TNFRSF21: variants seen among roughly 807,000 people sequenced by gnomAD.
TNFRSF21 encodes tumor necrosis factor receptor superfamily member 21.
In TNFRSF21, 19 loss-of-function variants were observed where a neutral mutation model predicts 45.6. That is an observed-to-expected ratio of 0.42 (90% confidence interval 0.29 to 0.61). TNFRSF21 has a LOEUF of 0.61. TNFRSF21 is among the 20% of genes least tolerant of loss of function. The pLI is 0.23. For synonymous variants in TNFRSF21, 314 were observed against 335.5 expected (o/e 0.94, Z 0.70); for missense variants, 737 against 851.5 (o/e 0.87, Z 1.67).
rs1411428891 is a variant in TNFRSF21 at position 47,286,526 on chromosome 6, G to A, written c.166C>T (p.His56Tyr). Reference protein sequence around the residue: ...KASNLIGTYRHVDRATGQVLT... With the variant: ...KASNLIGTYRYVDRATGQVLT... ...ACCTGGCCGGTGGCACGGTCAACATGGCGGTATGTGCCAATGAGATTCGAG... is the reference window on the plus strand; with the variant it reads ...ACCTGGCCGGTGGCACGGTCAACATAGCGGTATGTGCCAATGAGATTCGAG... The change falls in exon 2 of 6, where the codon CAT (histidine) becomes TAT (tyrosine). Residue 56 changes from histidine (H) to tyrosine (Y), a missense_variant. By Grantham distance (83) the His-to-Tyr change is moderately conservative. Transcript: ENST00000296861. 1.1e-5 allele frequency: 18 copies of A among 1,614,030 alleles called. No homozygotes were observed. Among genetic ancestry groups the A allele is most frequent in the Non-Finnish European group, 1.5e-5 (18 of 1,179,996 alleles).
Position 47,286,157 on chromosome 6 carries a change from C to T in TNFRSF21, c.535G>A (p.Val179Met), listed in dbSNP as rs758428805. 1 of 1,614,206 alleles carries T rather than the reference C, an allele frequency of 6.2e-7. No individual in the cohort carries two copies. Among genetic ancestry groups the T allele is most frequent in the Non-Finnish European group, 8.5e-7 (1 of 1,180,044 alleles). Residue 179 changes from valine to methionine, a missense_variant, in exon 2 of 6, where the codon GTG becomes ATG. Transcript: ENST00000296861. ...KQCARGTFSD[V>M]PSSVMKCKAY... is the part of the protein sequence containing the mutation. ...TTGCATTTCATCACACTAGAAGGCA[C>T]ATCTGAGAAGGTACCCCGAGCACAC...
chr6:47,274,964 G>T (rs1166909908), intron 3 of TNFRSF21, among the ~76,000 whole-genome samples: 1 of 152,160 alleles, frequency 6.6e-6, no homozygotes, highest in African/African-American at 2.4e-5. Context: ...AGTTAGAATG[G>T]CAATCATTAA....
Position 47,267,627 on chromosome 6 carries a change from G to A in TNFRSF21, c.1244-14106C>T, listed in dbSNP as rs111729569. 5.5e-3 allele frequency among the ~76,000 whole-genome samples: 840 copies of A among 152,158 alleles called. 5 individuals carry two copies. Among genetic ancestry groups the A allele is most frequent in the African/African-American group, 0.016 (661 of 41,496 alleles). On this transcript the variant is annotated intron_variant, in intron 3 of 5. Transcript: ENST00000296861. ...TGCTCCAGTATGGCTCATCTCCCTG[G>A]CCTTGTGGGAAAGAAAAAGGGGCAA...
At chr6:47,241,181 T>G (rs185998591) in intron 4 of TNFRSF21, among the ~76,000 whole-genome samples, 1,662 of 152,302 alleles carry the variant, frequency 0.011, 15 homozygotes, top group Middle Eastern at 0.02. Flanking sequence ...AAGAAATGCT[T>G]TCTTATTCAA....
rs1233891243 is a variant in TNFRSF21 at position 47,284,380 on chromosome 6, C to A, written c.801G>T (p.Leu267=). The A allele has an allele frequency of 1.3e-6, 2 of 1,540,956 alleles. No individual in the cohort carries two copies. Among genetic ancestry groups the A allele is most frequent in the East Asian group, 4.5e-5 (2 of 44,352 alleles). Residue 267 remains leucine, a synonymous_variant, in exon 3 of 6, where the codon CTG becomes CTT. Coordinates refer to ENST00000296861, the MANE Select transcript of TNFRSF21 (RefSeq NM_014452.5). ...NSSASVRPKV[L]SSIQEGTVPD... ...GGACTGTCCCTTCCTGGATGCTACTCAGTACCTTTGGTCTAACAGAGGCAG... is the reference window on the plus strand; with the variant it reads ...GGACTGTCCCTTCCTGGATGCTACTAAGTACCTTTGGTCTAACAGAGGCAG...
At chr6:47,307,924 A>G (rs755377661) in intron 1 of TNFRSF21, among the ~76,000 whole-genome samples, 4 of 152,118 alleles carry the variant, frequency 2.6e-5, no homozygotes, top group Non-Finnish European at 5.9e-5. Context: ...GGAAATGATG[A>G]TAGTTCTCAC....
chr6:47,262,068 A>G (rs1765080856), intron 3 of TNFRSF21, among the ~76,000 whole-genome samples: 1 of 152,192 alleles, frequency 6.6e-6, no homozygotes, highest in Non-Finnish European at 1.5e-5. Context: ...AGCAGAATTT[A>G]TCACTATCTA....
rs192558206 is a variant in TNFRSF21, at chr6:47,272,026, G to C, written c.1243+11912C>G. On this transcript the variant is annotated intron_variant, in intron 3 of 5. Transcript: ENST00000296861. ...CCCAGATTCATAAAGCAAGTCCTTA[G>C]AGACATACAAACAGACTTAGACTCC... Among the ~76,000 whole-genome samples the C allele has an allele frequency of 2.8e-3, 423 of 152,266 alleles. 1 individual carries two copies. The highest frequency in any genetic ancestry group is 9.7e-3 in the African/African-American group (403 of 41,548).
chr6:47,256,037 A>T (rs1480344219), intron 3 of TNFRSF21, among the ~76,000 whole-genome samples: 1 of 152,228 alleles, frequency 6.6e-6, no homozygotes, highest in African/African-American at 2.4e-5. Context: ...ATTATTGCTA[A>T]TAAAAACAAT....
intron 3 of TNFRSF21, among the ~76,000 whole-genome samples, chr6:47,278,036 C>T (rs1762522561): frequency 6.6e-6 from 1 of 152,196 alleles, no homozygotes; most frequent in South Asian, 2.1e-4. Flanking sequence ...TGGCATCACC[C>T]TGCTCTCCAG....
intron 1 of TNFRSF21, among the ~76,000 whole-genome samples, chr6:47,297,203 G>A (rs908045618): frequency 2.0e-5 from 3 of 152,170 alleles, no homozygotes; most frequent in Non-Finnish European, 4.4e-5. Context: ...AGAAAAACAC[G>A]TTGGTTTTTT....
At chr6:47,296,282 A>G (rs1195012482) in intron 1 of TNFRSF21, among the ~76,000 whole-genome samples, 1 of 152,230 alleles carries the variant, frequency 6.6e-6, no homozygotes, top group Non-Finnish European at 1.5e-5. Context: ...GCATAAAAGC[A>G]CGCATAAACA....
intron 1 of TNFRSF21, among the ~76,000 whole-genome samples, chr6:47,301,905 T>C (rs1748888857): frequency 6.6e-6 from 1 of 152,146 alleles, no homozygotes; most frequent in African/African-American, 2.4e-5. Flanking sequence ...TCCAGCTAAA[T>C]TATTCTGGGG....
intron 4 of TNFRSF21, among the ~76,000 whole-genome samples, chr6:47,248,113 C>A (rs1466878655): frequency 1.3e-5 from 2 of 152,142 alleles, no homozygotes; most frequent in Non-Finnish European, 2.9e-5. Flanking sequence ...TTAATACCAT[C>A]ATTTTTTAAG....
intron 1 of TNFRSF21, 121 bp downstream of exon 1, chr6:47,309,295 T>G: frequency 2.2e-6 from 3 of 1,373,620 alleles, no homozygotes; most frequent in Non-Finnish European, 2.8e-6. Context: ...TCAGTGCCCG[T>G]AACCCAGTCG....
chr6:47,257,867 G>T (rs1765010395), intron 3 of TNFRSF21, among the ~76,000 whole-genome samples: 1 of 152,216 alleles, frequency 6.6e-6, no homozygotes, highest in Admixed American at 6.5e-5. Context: ...GAAATCGCAT[G>T]TTGGGGTTGG....
chr6:47,270,183 C>A (rs575500453), intron 3 of TNFRSF21, among the ~76,000 whole-genome samples: 106 of 152,294 alleles, frequency 7.0e-4, no homozygotes, highest in Non-Finnish European at 1.2e-3. Context: ...CAGACTGCCT[C>A]CTCAAGTGGG....
chr6:47,245,450 GTGTGTGTT>G (rs1252791998), intron 4 of TNFRSF21, among the ~76,000 whole-genome samples: 76 of 129,578 alleles, frequency 5.9e-4, no homozygotes, highest in African/African-American at 2.4e-3. Context: ...GTGTGTGTGT[GTGTGTGTT>G]TGTGTGTGTG....
At chr6:47,271,610 C>A (rs774832415) in intron 3 of TNFRSF21, among the ~76,000 whole-genome samples, 1 of 152,096 alleles carries the variant, frequency 6.6e-6, no homozygotes, top group East Asian at 1.9e-4. Flanking sequence ...CATCAATTAA[C>A]GGGCAAAATA....
Sources: allele counts gnomAD v4.1 joint callset (sites outside exome capture counted in the v4.1 genomes callset), GRCh38; gene constraint gnomAD v4.1.1; transcripts MANE v1.5; gene names NCBI Gene and HGNC (gene_info 2026-07-23, HGNC 2026-07-21).